Variants in BCKDHB observed in about 807,000 individuals in gnomAD.
The protein encoded by BCKDHB is branched chain keto acid dehydrogenase E1 subunit beta.
In BCKDHB, 41 loss-of-function variants were observed where a neutral mutation model predicts 48.5. The observed-to-expected ratio is 0.85, with a 90% CI of 0.66 to 1.10. The LOEUF (loss-of-function observed/expected upper bound fraction) is 1.10. BCKDHB is among the 50% of genes least tolerant of loss of function. The pLI, the probability that BCKDHB is intolerant of heterozygous loss-of-function variation, is 0.00. For synonymous variants in BCKDHB, 201 were observed against 174.8 expected (o/e 1.15, Z -1.18); for missense variants, 496 against 494.2 (o/e 1.00, Z -0.03).
Position 80,203,260 on chromosome 6 carries a change from C to G in BCKDHB, c.951+48C>G, listed in dbSNP as rs3749896. 53 of 1,287,716 alleles carry G rather than the reference C, an allele frequency of 4.1e-5. No homozygotes were observed. In the African/African-American group the frequency reaches 7.4e-4, roughly 18 times the overall value. 79.8% of individuals were successfully genotyped at this position (1,287,716 alleles called of 1,614,324 possible). Reference sequence around the variant, plus strand: ...ATGTCATTTCCCTGAAACCTTTGGCCAAATATGTTGTATATTTGCAAATAA... The same window carrying G: ...ATGTCATTTCCCTGAAACCTTTGGCGAAATATGTTGTATATTTGCAAATAA... On this transcript the variant is annotated intron_variant, in intron 8 of 9. Coordinates refer to ENST00000320393, the MANE Select transcript of BCKDHB (RefSeq NM_183050.4).
chr6:80,407,870 G>T, the BCKDHB span, among the ~76,000 whole-genome samples: 4 of 152,084 alleles, frequency 2.6e-5, no homozygotes, highest in African/African-American at 9.7e-5. Flanking sequence ...TGATTGCCCT[G>T]GCTGGAACTT....
chr6:80,297,568 A>G (rs959091310), intron 9 of BCKDHB, among the ~76,000 whole-genome samples: 6 of 152,188 alleles, frequency 3.9e-5, no homozygotes, highest in African/African-American at 1.4e-4. Context: ...GGGTCTAATA[A>G]GCAGACACAG....
chr6:80,159,743 A>G (rs1333768655), intron 3 of BCKDHB, among the ~76,000 whole-genome samples: 1 of 152,192 alleles, frequency 6.6e-6, no homozygotes, highest in Non-Finnish European at 1.5e-5. Context: ...CACTGTTACA[A>G]TTGTGTCTAT....
At chr6:80,137,733 C>A (rs1770960415) in intron 3 of BCKDHB, among the ~76,000 whole-genome samples, 1 of 151,828 alleles carries the variant, frequency 6.6e-6, no homozygotes, top group Admixed American at 6.6e-5. Context: ...ACCTAGAATG[C>A]TGCTAAACAT....
chr6:80,200,366 A>T (rs189794653), intron 6 of BCKDHB, among the ~76,000 whole-genome samples: 2 of 152,248 alleles, frequency 1.3e-5, no homozygotes, highest in East Asian at 3.9e-4. Context: ...TCATAGATCT[A>T]AGGTGAAAAA....
chr6:80,419,940 T>TA, the BCKDHB span, among the ~76,000 whole-genome samples: 1 of 152,236 alleles, frequency 6.6e-6, no homozygotes, highest in African/African-American at 2.4e-5. Flanking sequence ...AGCTCTCTAA[T>TA]AAAATTTTTA....
At chr6:80,355,190 G>A in the BCKDHB span, among the ~76,000 whole-genome samples, 4 of 151,596 alleles carry the variant, frequency 2.6e-5, no homozygotes, top group African/African-American at 7.3e-5. Flanking sequence ...ACCTGAGGTC[G>A]GGAGTTCGAG....
At chr6:80,238,514 A>T (rs1162370264) in intron 8 of BCKDHB, among the ~76,000 whole-genome samples, 1 of 152,222 alleles carries the variant, frequency 6.6e-6, no homozygotes, top group East Asian at 1.9e-4. Context: ...CGGAAACCAG[A>T]GTAGGCTCAG....
At chr6:80,324,233 G>A (rs1364721804) in intron 9 of BCKDHB, among the ~76,000 whole-genome samples, 1 of 152,128 alleles carries the variant, frequency 6.6e-6, no homozygotes, top group African/African-American at 2.4e-5. Flanking sequence ...CAATTTCCCA[G>A]CATTTAAAAT....
chr6:80,188,086 A>G (rs1001766499), intron 6 of BCKDHB, among the ~76,000 whole-genome samples: 1 of 152,214 alleles, frequency 6.6e-6, no homozygotes, highest in Non-Finnish European at 1.5e-5. Flanking sequence ...CTAAATGCCC[A>G]TCAATGATAG....
At chr6:80,306,560 A>G (rs909242794) in intron 9 of BCKDHB, among the ~76,000 whole-genome samples, 2 of 152,252 alleles carry the variant, frequency 1.3e-5, no homozygotes, top group African/African-American at 4.8e-5. Context: ...TAAGCCAGCC[A>G]TTCACAGAAA....
the BCKDHB span, among the ~76,000 whole-genome samples, chr6:80,461,001 G>A: frequency 6.6e-6 from 1 of 152,114 alleles, no homozygotes; most frequent in Non-Finnish European, 1.5e-5. Context: ...GTCTTGCTGA[G>A]ATTTTGTCGT....
intron 9 of BCKDHB, among the ~76,000 whole-genome samples, chr6:80,301,875 A>G (rs1031469403): frequency 6.6e-6 from 1 of 152,162 alleles, no homozygotes; most frequent in Non-Finnish European, 1.5e-5. Context: ...CACCACACAA[A>G]CAGAACTAAA....
chr6:80,453,660 T>C, the BCKDHB span, among the ~76,000 whole-genome samples: 1 of 152,046 alleles, frequency 6.6e-6, no homozygotes, highest in Non-Finnish European at 1.5e-5. Flanking sequence ...TGAGACACTG[T>C]GTTGGTGAGG....
intron 9 of BCKDHB, among the ~76,000 whole-genome samples, chr6:80,340,773 C>G (rs560119590): frequency 0.025 from 3,652 of 147,590 alleles, 55 homozygotes; most frequent in Non-Finnish European, 0.034. Context: ...TATTTTTTTT[C>G]TGTGTGTGTG....
At chr6:80,292,663 C>A (rs1368051135) in intron 9 of BCKDHB, among the ~76,000 whole-genome samples, 1 of 152,076 alleles carries the variant, frequency 6.6e-6, no homozygotes, top group Non-Finnish European at 1.5e-5. Context: ...TCCCAGCAGC[C>A]CCCCAAAGTC....
chr6:80,164,253 A>G (rs979754798), intron 3 of BCKDHB, among the ~76,000 whole-genome samples: 2 of 151,634 alleles, frequency 1.3e-5, no homozygotes, highest in African/African-American at 4.8e-5. Context: ...TCTTTCTTTT[A>G]CTCTAGACCA....
At chr6:80,169,064 T>C (rs1772756755) in intron 5 of BCKDHB, 34 bp downstream of exon 5, 1 of 1,604,502 alleles carries the variant, frequency 6.2e-7, no homozygotes, top group African/African-American at 1.3e-5. Context: ...TTGATTTCTA[T>C]TTGATGTTTC....
intron 3 of BCKDHB, among the ~76,000 whole-genome samples, chr6:80,135,310 A>G (rs1770831546): frequency 6.6e-6 from 1 of 152,136 alleles, no homozygotes; most frequent in Admixed American, 6.6e-5. Flanking sequence ...AGAAAAAAAC[A>G]GGATAAAATT....
Sources: allele counts gnomAD v4.1 joint callset (sites outside exome capture counted in the v4.1 genomes callset), GRCh38; gene constraint gnomAD v4.1.1; transcripts MANE v1.5; gene names NCBI Gene and HGNC (gene_info 2026-07-23, HGNC 2026-07-21).